PCDHA4: variants seen among roughly 807,000 people sequenced by gnomAD.
PCDHA4 encodes the protein protocadherin alpha 4.
PCDHA4 carries 49 observed loss-of-function variants against 61.4 expected under a neutral mutation model. That is an observed-to-expected ratio of 0.80 (90% CI 0.63 to 1.01). The LOEUF (loss-of-function observed/expected upper bound fraction) is 1.01. PCDHA4 is among the 50% of genes least tolerant of loss of function. PCDHA4 has a pLI of 0.00. For missense variants in PCDHA4, 1,254 were observed against 1,235.8 expected, an observed-to-expected ratio of 1.01 and a Z score of -0.22; for synonymous variants, 590 against 550.3, an observed-to-expected ratio of 1.07 and a Z score of -1.01.
At chr5:140,843,743 A>C (rs2150365956) in intron 1 of PCDHA4, 2 of 1,536,300 alleles carry the variant, frequency 1.3e-6, no homozygotes, top group Admixed American at 3.6e-5. Context: ...TAGAACTCAT[A>C]AATTCTATTT....
At chr5:140,811,263 GTT>G (rs1288344710) in intron 1 of PCDHA4, 1 of 152,366 alleles carries the variant, frequency 6.6e-6, no homozygotes, top group Non-Finnish European at 1.5e-5. Context: ...GCAGTGTTTG[GTT>G]TTCTGTGCTT....
chr5:140,881,279 G>A, intron 1 of PCDHA4: 2 of 760,202 alleles, frequency 2.6e-6, no homozygotes, highest in South Asian at 6.0e-5. Flanking sequence ...GAAGTAAGAT[G>A]GAGAGAGAAA....
chr5:140,988,024 A>G (rs2153870091), intron 3 of PCDHA4, among the ~76,000 whole-genome samples: 1 of 152,316 alleles, frequency 6.6e-6, no homozygotes, highest in East Asian at 1.9e-4. Flanking sequence ...ATGATTCTTA[A>G]GTTTTTTAGA....
At chr5:140,991,183 A>G (rs3776108) in intron 3 of PCDHA4, among the ~76,000 whole-genome samples, 7,613 of 152,310 alleles carry the variant, frequency 0.05, 238 homozygotes, top group South Asian at 0.11. Flanking sequence ...CAGGATGCCT[A>G]GCACACAATG....
intron 1 of PCDHA4, among the ~76,000 whole-genome samples, chr5:140,954,765 C>T (rs1305270750): frequency 6.6e-6 from 1 of 152,064 alleles, no homozygotes; most frequent in Non-Finnish European, 1.5e-5. Context: ...TGCAGAAGCT[C>T]TTTAATTTAA....
intron 1 of PCDHA4, chr5:140,884,055 C>T (rs782119019): frequency 2.2e-5 from 36 of 1,613,356 alleles, no homozygotes; most frequent in Non-Finnish European, 1.7e-6. Flanking sequence ...AAGGTGCGCG[C>T]GGTGGACGCC....
At chr5:140,991,452 C>T (rs1162146299) in intron 3 of PCDHA4, among the ~76,000 whole-genome samples, 3 of 152,184 alleles carry the variant, frequency 2.0e-5, no homozygotes, top group African/African-American at 7.2e-5. Context: ...TAAAACAACA[C>T]AATGTATTAT....
intron 1 of PCDHA4, chr5:140,882,355 C>T: frequency 6.2e-7 from 1 of 1,614,166 alleles, no homozygotes; most frequent in African/African-American, 1.3e-5. Context: ...CGGGTAGTGG[C>T]CAGCTCCACT....
At chr5:140,852,024 C>A in intron 1 of PCDHA4, 1 of 949,532 alleles carries the variant, frequency 1.1e-6, no homozygotes, top group Non-Finnish European at 1.3e-6. Context: ...TTAAAAACTT[C>A]GCTTATTGAG....
chr5:140,875,210 AAAAGAACCTC>A (rs2055354064), intron 1 of PCDHA4: 1 of 696,510 alleles, frequency 1.4e-6, no homozygotes, highest in Non-Finnish European at 2.1e-6. Context: ...GGCTAAACCG[AAAAGAACCTC>A]AGGATCTTTC....
Position 140,809,147 on chromosome 5 carries a change from C to A in PCDHA4, c.1960C>A (p.His654Asn). The A allele has an allele frequency of 6.2e-7, 1 of 1,613,916 alleles. No individual in the cohort carries two copies. The highest frequency in any genetic ancestry group is 8.5e-7 in the Non-Finnish European group (1 of 1,179,918). The change falls in exon 1 of 4, where the codon CAC (histidine) becomes AAC (asparagine). Residue 654 changes from histidine to asparagine, a missense_variant. By Grantham distance (68) the His-to-Asn change is moderately conservative. Coordinates refer to ENST00000530339, the MANE Select transcript of PCDHA4 (RefSeq NM_018907.4). The stretch of plus-strand genomic sequence containing the variant: ...CCGCCTACTGGTACTGGTGAAGGAC[C>A]ACGGCGAGCCCGCGCTGACGGCCAC... ...RHRLLVLVKD[H>N]GEPALTATAT...
chr5:140,972,978 A>G (rs1392208477), intron 1 of PCDHA4, among the ~76,000 whole-genome samples: 1 of 152,058 alleles, frequency 6.6e-6, no homozygotes, highest in African/African-American at 2.4e-5. Flanking sequence ...ACCAAATCTT[A>G]AGGTAGATTC....
intron 3 of PCDHA4, among the ~76,000 whole-genome samples, chr5:140,997,400 G>A (rs1554255862): frequency 3.3e-5 from 5 of 152,056 alleles, no homozygotes; most frequent in Admixed American, 1.3e-4. Context: ...AGGCTCTATC[G>A]TATGGCCTAT....
chr5:140,884,042 G>A (rs1554181105), intron 1 of PCDHA4: 4 of 1,613,464 alleles, frequency 2.5e-6, no homozygotes, highest in Non-Finnish European at 3.4e-6. Flanking sequence ...CCACGTGGTG[G>A]CGAAGGTGCG....
intron 3 of PCDHA4, among the ~76,000 whole-genome samples, chr5:140,991,573 G>C (rs1406319253): frequency 2.0e-5 from 3 of 152,036 alleles, no homozygotes; most frequent in Non-Finnish European, 4.4e-5. Context: ...CCAATAACAG[G>C]CTCCTTATTT....
chr5:140,967,324 G>A, intron 1 of PCDHA4: 4 of 1,609,186 alleles, frequency 2.5e-6, no homozygotes, highest in Non-Finnish European at 3.4e-6. Context: ...AGACCTACGA[G>A]CTCAGCCCCA....
intron 1 of PCDHA4, chr5:140,882,287 G>A (rs1289206552): frequency 3.1e-6 from 5 of 1,613,126 alleles, no homozygotes; most frequent in African/African-American, 1.3e-5. Context: ...TTCCTGGCAA[G>A]GAGGCCCAAG....
chr5:140,862,513 A>G, intron 1 of PCDHA4: 1 of 408,216 alleles, frequency 2.4e-6, no homozygotes, highest in Non-Finnish European at 4.9e-6. Context: ...ACTCGCTTTC[A>G]TTGTTGGCCA....
chr5:140,873,211 T>C (rs560514188), intron 1 of PCDHA4, among the ~76,000 whole-genome samples: 2 of 152,272 alleles, frequency 1.3e-5, no homozygotes, highest in Admixed American at 6.5e-5. Flanking sequence ...TCTTTAAGTA[T>C]TAAAGAGAAG....
Sources: allele counts gnomAD v4.1 joint callset (sites outside exome capture counted in the v4.1 genomes callset), GRCh38; gene constraint gnomAD v4.1.1; transcripts MANE v1.5; gene names NCBI Gene and HGNC (gene_info 2026-07-23, HGNC 2026-07-21).